The following ACADSB variants were observed in gnomAD, a reference collection of about 807,000 sequenced individuals.
The protein encoded by ACADSB is short/branched chain specific acyl-CoA dehydrogenase, mitochondrial.
ACADSB carries 40 observed loss-of-function variants against 54.1 expected under a neutral mutation model. The observed-to-expected ratio is 0.74, with a 90% CI of 0.57 to 0.96. ACADSB has a LOEUF of 0.96. Ranked by LOEUF, ACADSB falls within the 40% of genes least tolerant of loss-of-function variation. The probability of loss-of-function intolerance (pLI) is 0.00; values close to 1 mark genes in which losing one functional copy is unlikely to be tolerated. For synonymous variants in ACADSB, 182 were observed against 182.8 expected, an observed-to-expected ratio of 1.00 and a Z score of 0.03; for missense variants, 530 against 510.4, an observed-to-expected ratio of 1.04 and a Z score of -0.37.
chr10:123,021,279 C>T (rs1850180721), intron 1 of ACADSB, among the ~76,000 whole-genome samples: 1 of 152,180 alleles, frequency 6.6e-6, no homozygotes, highest in South Asian at 2.1e-4. Flanking sequence ...AGATGGGATT[C>T]TCATAATCCC....
At position 123,053,240 on chromosome 10, in the gene ACADSB, T is replaced by C. The variant is rs1850656990; in HGVS notation, c.1228+80T>C. 10 of 1,195,634 alleles carry C rather than the reference T, an allele frequency of 8.4e-6. No homozygotes were observed. In the South Asian group the frequency reaches 9.3e-5, roughly 11 times the overall value. 74.1% of individuals were successfully genotyped at this position (1,195,634 alleles called of 1,614,324 possible). On this transcript the variant is annotated intron_variant, in intron 10 of 10. Transcript: ENST00000358776. ...ATTTTGGCTGTTTTATTTGTCGTTT[T>C]TTTCCTAGGTAAAAGCAATTTTAAT...
At chr10:123,024,726 C>T (rs966683504) in intron 1 of ACADSB, among the ~76,000 whole-genome samples, 13 of 152,196 alleles carry the variant, frequency 8.5e-5, no homozygotes, top group African/African-American at 2.2e-4. Flanking sequence ...AGGGTGGGGC[C>T]GGGCCCAAGC....
At chr10:123,011,429 G>T (rs779742297) in intron 1 of ACADSB, among the ~76,000 whole-genome samples, 1 of 152,068 alleles carries the variant, frequency 6.6e-6, no homozygotes, top group Non-Finnish European at 1.5e-5. Flanking sequence ...AGATGGATTA[G>T]AACTGTCCTG....
At chr10:123,049,784 A>T (rs904670911) in intron 8 of ACADSB, among the ~76,000 whole-genome samples, 1 of 152,240 alleles carries the variant, frequency 6.6e-6, no homozygotes, top group African/African-American at 2.4e-5. Flanking sequence ...TAAAGACGTG[A>T]TCTTAAAAGC....
rs762414612 is a variant in ACADSB at position 123,041,253 on chromosome 10, A to C, written c.555A>C (p.Ser185=). 1 of 1,614,142 alleles carries C rather than the reference A, an allele frequency of 6.2e-7. No homozygotes were observed. Among genetic ancestry groups the C allele is most frequent in the South Asian group, 1.1e-5 (1 of 91,080 alleles). Residue 185 remains serine, a synonymous_variant, in exon 5 of 11, where the codon TCA becomes TCC. Coordinates refer to ENST00000358776, the MANE Select transcript of ACADSB (RefSeq NM_001609.4). Reference sequence around the variant, plus strand: ...CAGAGGCTGGAGCAGGTAGTGACTCATTTGCTTTGAAGACCAGAGCTGATA... The same window carrying C: ...CAGAGGCTGGAGCAGGTAGTGACTCCTTTGCTTTGAAGACCAGAGCTGATA... ...CLSEAGAGSD[S]FALKTRADKE...
At chr10:123,020,470 G>A (rs1274339184) in intron 1 of ACADSB, among the ~76,000 whole-genome samples, 1 of 152,232 alleles carries the variant, frequency 6.6e-6, no homozygotes, top group Admixed American at 6.5e-5. Context: ...ATGTACCACA[G>A]ATGTTTAACC....
intron 2 of ACADSB, among the ~76,000 whole-genome samples, chr10:123,037,002 C>G (rs1850407194): frequency 6.6e-6 from 1 of 152,230 alleles, no homozygotes; most frequent in Non-Finnish European, 1.5e-5. Context: ...GCATCTAAGT[C>G]TTAAAAACAT....
At chr10:123,036,147 G>A (rs1335588259) in intron 2 of ACADSB, among the ~76,000 whole-genome samples, 2 of 152,060 alleles carry the variant, frequency 1.3e-5, no homozygotes, top group East Asian at 3.9e-4. Flanking sequence ...GAATGCAATG[G>A]CACTATCTCG....
chr10:123,010,214 T>A (rs1348309878), intron 1 of ACADSB, among the ~76,000 whole-genome samples: 2 of 152,248 alleles, frequency 1.3e-5, no homozygotes, highest in Non-Finnish European at 2.9e-5. Flanking sequence ...TCGTTCTACC[T>A]GAGTCATCTC....
intron 1 of ACADSB, among the ~76,000 whole-genome samples, chr10:123,019,734 T>C (rs1315969459): frequency 6.6e-6 from 1 of 152,242 alleles, no homozygotes; most frequent in African/African-American, 2.4e-5. Context: ...TATATGTGTG[T>C]GTAGGACTGT....
Position 123,015,745 on chromosome 10 carries a change from A to G in ACADSB, c.42+6674A>G, listed in dbSNP as rs548891627. The stretch of plus-strand genomic sequence containing the variant: ...CAAAGATTTTTGTTGAAAGATTTCA[A>G]TAGCAGCCATTGAGATTTTAAGGTG... On this transcript the variant is annotated intron_variant, in intron 1 of 10. Coordinates refer to ENST00000358776, the MANE Select transcript of ACADSB (RefSeq NM_001609.4). 1.2e-4 allele frequency among the ~76,000 whole-genome samples: 18 copies of G among 152,368 alleles called. No individual in the cohort carries two copies. In the South Asian group the frequency reaches 1.2e-3, roughly 11 times the overall value.
intron 8 of ACADSB, among the ~76,000 whole-genome samples, chr10:123,050,338 T>C (rs74550285): frequency 0.072 from 10,902 of 152,338 alleles, 422 homozygotes; most frequent in Non-Finnish European, 0.087. Flanking sequence ...GTGCTGCCTC[T>C]GTCACTCAGG....
intron 1 of ACADSB, among the ~76,000 whole-genome samples, chr10:123,016,860 A>G (rs1048409924): frequency 2.0e-5 from 3 of 152,236 alleles, no homozygotes; most frequent in Non-Finnish European, 1.5e-5. Context: ...CATAAAAAAA[A>G]CAAACCTGTG....
chr10:123,040,589 A>C lies in ACADSB; in HGVS notation c.427A>C (p.Asn143His). 1 of 1,614,100 alleles carries C rather than the reference A, an allele frequency of 6.2e-7. No homozygotes were observed. Among genetic ancestry groups the C allele is most frequent in the South Asian group, 1.1e-5 (1 of 91,074 alleles). ...TGTGGCTGTCTTTTGTGAGATCCAG[A>C]ACACATTAATTAACACACTGATTAG... ...ASVAVFCEIQ[N>H]TLINTLIRKH... is the part of the protein sequence containing the mutation. The change falls in exon 4 of 11, where the codon AAC (asparagine) becomes CAC (histidine). Residue 143 changes from asparagine to histidine, a missense_variant. Physicochemically the swap from Asn to His is moderately conservative, Grantham distance 68. Transcript: ENST00000358776.
chr10:123,012,579 T>C (rs940643240), intron 1 of ACADSB, among the ~76,000 whole-genome samples: 1 of 152,004 alleles, frequency 6.6e-6, no homozygotes, highest in Non-Finnish European at 1.5e-5. Flanking sequence ...TTCCTTCTGG[T>C]GGGTTTGTGG....
intron 3 of ACADSB, among the ~76,000 whole-genome samples, chr10:123,038,509 A>T (rs544896382): frequency 6.6e-6 from 1 of 152,306 alleles, no homozygotes; most frequent in South Asian, 2.1e-4. Context: ...GGCTATTAGC[A>T]TAGGGGCTTC....
chr10:123,056,801 G>A lies in ACADSB; in HGVS notation c.*3036G>A, dbSNP rs1327512058. ...GACTTTTCCAGAGTAATTTTGTTTT[G>A]CACATTCATGTTTATTGAAGTGGAC... On this transcript the variant is annotated 3_prime_UTR_variant, in exon 11 of 11. Coordinates refer to ENST00000358776, the MANE Select transcript of ACADSB (RefSeq NM_001609.4). 6.6e-6 allele frequency: 1 copy of A among 152,392 alleles called. No individual in the cohort carries two copies. The highest frequency in any genetic ancestry group is 6.5e-5 in the Admixed American group (1 of 15,276). 9.4% of individuals were successfully genotyped at this position (152,392 alleles called of 1,614,324 possible). A position where few individuals can be genotyped will look rare whatever the true frequency, so the allele number is the denominator to read the frequency against.
chr10:123,042,318 A>G (rs1850486167), intron 5 of ACADSB, among the ~76,000 whole-genome samples: 3 of 152,062 alleles, frequency 2.0e-5, no homozygotes, highest in African/African-American at 7.2e-5. Flanking sequence ...TGAAGAATTT[A>G]AGTACCTATT....
intron 8 of ACADSB, among the ~76,000 whole-genome samples, chr10:123,048,318 C>A (rs1850586921): frequency 6.6e-6 from 1 of 152,174 alleles, no homozygotes. Flanking sequence ...GCAGGCCTGG[C>A]CAGTGCCTAC....
Sources: gnomAD v4.1 joint callset for allele counts (sites outside exome capture counted in the v4.1 genomes callset) on GRCh38, gnomAD v4.1.1 for gene constraint, MANE v1.5 for transcripts, NCBI Gene and HGNC (gene_info 2026-07-23, HGNC 2026-07-21) for gene names.